The following SLC35G3 variants were observed in gnomAD, a reference collection of about 807,000 sequenced individuals.
SLC35G3 encodes the protein acyl-malonyl-condensing enzyme 1.
In SLC35G3, 10 loss-of-function variants were observed where a neutral mutation model predicts 17.9. That is an observed-to-expected ratio of 0.56 (90% CI 0.34 to 0.95). SLC35G3 has a LOEUF of 0.95. Among genes scored for constraint, SLC35G3 ranks in the 40% least tolerant of loss-of-function variants. The pLI, the probability that SLC35G3 is intolerant of heterozygous loss-of-function variation, is 0.02. For synonymous variants in SLC35G3, 208 were observed against 197.7 expected (o/e 1.05, Z -0.44); for missense variants, 384 against 433.6 (o/e 0.89, Z 1.02).
Position 35,193,657 on chromosome 17 carries a change from G to A in SLC35G3, c.651C>T (p.Pro217=), listed in dbSNP as rs2142632933. ...LLVYRSLHFP[P]CLPTVAFLSG... is the part of the protein sequence containing the mutation. ...ATAGGAAGGCCACTGTTGGGAGGCA[G>A]GGGGGAAAGTGCAGAGAACGATAGA... Residue 217 remains proline (P), a synonymous_variant, in exon 1 of 1, where the codon CCC becomes CCT. Coordinates refer to ENST00000297307, the MANE Select transcript of SLC35G3 (RefSeq NM_152462.2). The A allele has an allele frequency of 6.2e-7, 1 of 1,612,000 alleles. No individual in the cohort carries two copies. Among genetic ancestry groups the A allele is most frequent in the Non-Finnish European group, 8.5e-7 (1 of 1,179,844 alleles).
In SLC35G3 at chr17:35,194,080, T is replaced by C. The variant is rs1318470012; in HGVS notation, c.228A>G (p.Arg76=). ...GGGCAATAGGGAGGTGGAAGAGGCA[T>C]CGCCAGATGAGCAGCTCCAGCGAGG... ...NLPSLELLIW[R]CLFHLPIALL... is the part of the protein sequence containing the mutation. The change falls in exon 1 of 1, where the codon CGA becomes CGG. Residue 76 remains arginine (R), a synonymous_variant. Coordinates refer to ENST00000297307, the MANE Select transcript of SLC35G3 (RefSeq NM_152462.2). The C allele has an allele frequency of 6.2e-7, 1 of 1,613,772 alleles. No individual in the cohort carries two copies. The highest frequency in any genetic ancestry group is 1.3e-5 in the African/African-American group (1 of 74,894).
chr17:35,194,338 C>T lies in SLC35G3; in HGVS notation c.-31G>A, dbSNP rs1190193217. The stretch of plus-strand genomic sequence containing the variant: ...CTTGGACTTTCTCCTCTCCTCCTGG[C>T]TCAGGGAGCCTGGGCCCCTCAGAGC... On this transcript the variant is annotated 5_prime_UTR_variant, in exon 1 of 1. Coordinates refer to ENST00000297307, the MANE Select transcript of SLC35G3 (RefSeq NM_152462.2). 8.2e-6 allele frequency: 13 copies of T among 1,582,898 alleles called. No individual in the cohort carries two copies. The highest frequency in any genetic ancestry group is 1.0e-5 in the Non-Finnish European group (12 of 1,166,826).
In SLC35G3 at chr17:35,193,432, C is replaced by T. The variant is rs200283087; in HGVS notation, c.876G>A (p.Val292=). Residue 292 remains valine (V), a synonymous_variant, in exon 1 of 1, where the codon GTG becomes GTA. Transcript: ENST00000297307. ...GCATATAATACTGCAGTATAAGGGC[C>T]ACAACCACCTCGGAATGTAGGACAG... The part of the protein sequence containing the change: ...VCAVLHSEVV[V]ALILQYYMLH... The T allele has an allele frequency of 5.0e-6, 8 of 1,612,000 alleles. No individual in the cohort carries two copies. Among genetic ancestry groups the T allele is most frequent in the South Asian group, 1.1e-5 (1 of 90,986 alleles).
chr17:35,193,016 C>T lies in SLC35G3; in HGVS notation c.*275G>A, dbSNP rs1446573852. ...GTCCTCCCCATGGCCCACGGCCTCC[C>T]TGCCTCAGCCCTTTGGATCTGCTCC... On this transcript the variant is annotated 3_prime_UTR_variant, in exon 1 of 1. Coordinates refer to ENST00000297307, the MANE Select transcript of SLC35G3 (RefSeq NM_152462.2). 5.1e-6 allele frequency: 3 copies of T among 588,036 alleles called. No homozygotes were observed. The highest frequency in any genetic ancestry group is 8.8e-6 in the Non-Finnish European group (3 of 339,950). The allele number at this position is 588,036 out of a possible 1,614,324, so 36.4% of individuals were successfully genotyped here.
At position 35,194,146 on chromosome 17, in the gene SLC35G3, C is replaced by T. The variant is rs771643281; in HGVS notation, c.162G>A (p.Val54=). 4.3e-6 allele frequency: 7 copies of T among 1,613,522 alleles called. No homozygotes were observed. Among genetic ancestry groups the T allele is most frequent in the Non-Finnish European group, 5.9e-6 (7 of 1,179,894 alleles). ...LLGGGLPAGF[V]GPLSRMAYQA... Reference sequence around the variant, plus strand: ...GGTAAGCCATACGAGAAAGGGGGCCCACGAAGCCAGCAGGCAGGCCCCCAC... The same window carrying T: ...GGTAAGCCATACGAGAAAGGGGGCCTACGAAGCCAGCAGGCAGGCCCCCAC... Residue 54 remains valine, a synonymous_variant, in exon 1 of 1, where the codon GTG becomes GTA. Coordinates refer to ENST00000297307, the MANE Select transcript of SLC35G3 (RefSeq NM_152462.2).
rs7208407 is a variant in SLC35G3 at position 35,193,244 on chromosome 17, T to C, written c.*47A>G. 570,923 of 1,610,138 alleles carry C rather than the reference T, an allele frequency of 0.35. 108,771 individuals are homozygous for C. The highest frequency in any genetic ancestry group is 0.4 in the Middle Eastern group (1,755 of 4,426). ...CCCATGTTTGTCTTCAGTCTTTGCC[T>C]TTATTTATCCCTGTCCCTCCCAACC... is the stretch of plus-strand genomic sequence containing the variant. On this transcript the variant is annotated 3_prime_UTR_variant, in exon 1 of 1. Coordinates refer to ENST00000297307, the MANE Select transcript of SLC35G3 (RefSeq NM_152462.2).
chr17:35,193,323 T>A lies in SLC35G3; in HGVS notation c.985A>T (p.Ser329Cys), dbSNP rs1208551735. 6 of 1,611,868 alleles carry A rather than the reference T, an allele frequency of 3.7e-6. No individual in the cohort carries two copies. The East Asian group carries it at 1.3e-4, about 36-fold the overall frequency. The change falls in exon 1 of 1, where the codon AGC becomes TGC. Residue 329 changes from serine to cysteine, a missense_variant. Transcript: ENST00000297307. ...TCCACCCTCCCTGTCCTCTCACAGCTGAGGTTCTGGGCTGTAATGATGGCA... is the reference window on the plus strand; with the variant it reads ...TCCACCCTCCCTGTCCTCTCACAGCAGAGGTTCTGGGCTGTAATGATGGCA... ...SIAIITAQNLSCERTGRVEE is the reference protein window; with the variant it reads ...SIAIITAQNLCCERTGRVEE
rs371490138 is a variant in SLC35G3 at position 35,193,449 on chromosome 17, G to A, written c.859C>T (p.His287Tyr). The A allele has an allele frequency of 6.2e-7, 1 of 1,612,044 alleles. No homozygotes were observed. ...ATAAGGGCCACAACCACCTCGGAAT[G>A]TAGGACAGCGCACACCAGGGCAGGG... ...AHPALVCAVL[H>Y]SEVVVALILQ... The change falls in exon 1 of 1, where the codon CAT becomes TAT. Residue 287 changes from histidine to tyrosine, a missense_variant. His to Tyr is a moderately conservative substitution (Grantham distance 83). Coordinates refer to ENST00000297307, the MANE Select transcript of SLC35G3 (RefSeq NM_152462.2).
In SLC35G3 at chr17:35,193,800, T is replaced by C. The variant is rs1567776253; in HGVS notation, c.508A>G (p.Ile170Val). Reference sequence around the variant, plus strand: ...CAGAGTCCAGGTCCCACAATGATGATTAGTCCTAGGATGCAGCCCAACAGT... The same window carrying C: ...CAGAGTCCAGGTCCCACAATGATGACTAGTCCTAGGATGCAGCCCAACAGT... ...CGLLGCILGL[I>V]IIVGPGLWTL... Residue 170 changes from isoleucine (I) to valine (V), a missense_variant, in exon 1 of 1, where the codon ATC (isoleucine) becomes GTC (valine). Physicochemically the swap from Ile to Val is conservative, Grantham distance 29. Coordinates refer to ENST00000297307, the MANE Select transcript of SLC35G3 (RefSeq NM_152462.2). The C allele has an allele frequency of 1.2e-6, 2 of 1,613,598 alleles. No homozygotes were observed. The highest frequency in any genetic ancestry group is 1.7e-6 in the Non-Finnish European group (2 of 1,179,862).
chr17:35,194,209 G>A lies in SLC35G3; in HGVS notation c.99C>T (p.Pro33=). The stretch of plus-strand genomic sequence containing the variant: ...CCAGCAGGCCACTGGTGGCATCAGA[G>A]GGCTGGCAGCGCTGGTACCAGCGGA... ...PSLRWYQRCQ[P]SDATSGLLVA... The change falls in exon 1 of 1, where the codon CCC becomes CCT. Residue 33 remains proline, a synonymous_variant. Transcript: ENST00000297307. 1 of 1,613,808 alleles carries A rather than the reference G, an allele frequency of 6.2e-7. No individual in the cohort carries two copies. The highest frequency in any genetic ancestry group is 2.2e-5 in the East Asian group (1 of 44,868).
rs1365396709 is a variant in SLC35G3 at position 35,194,133 on chromosome 17, G to A, written c.175C>T (p.Arg59Cys). Residue 59 changes from arginine (R) to cysteine (C), a missense_variant, in exon 1 of 1, where the codon CGT becomes TGT. Coordinates refer to ENST00000297307, the MANE Select transcript of SLC35G3 (RefSeq NM_152462.2). ...LPAGFVGPLS[R>C]MAYQASNLPS... ...AGGTTGGAAGCCTGGTAAGCCATAC[G>A]AGAAAGGGGGCCCACGAAGCCAGCA... is the stretch of plus-strand genomic sequence containing the variant. 1.4e-5 allele frequency: 23 copies of A among 1,613,564 alleles called. No individual in the cohort carries two copies. Among genetic ancestry groups the A allele is most frequent in the Admixed American group, 1.7e-5 (1 of 60,008 alleles).
At position 35,192,656 on chromosome 17, in the gene SLC35G3, ACT is replaced by A. The variant is rs1307266841; in HGVS notation, c.*633_*634del. The A allele has an allele frequency of 6.3e-6, 1 of 159,260 alleles. No homozygotes were observed. The highest frequency in any genetic ancestry group is 1.4e-5 in the Non-Finnish European group (1 of 72,446). 9.9% of individuals were successfully genotyped at this position (159,260 alleles called of 1,614,324 possible). ...TTCATGTACTCAGGTGAGGAAAATC[ACT>A]CTTTTATATCCAATGACTTTACAAA... On this transcript the variant is annotated 3_prime_UTR_variant, in exon 1 of 1. Transcript: ENST00000297307.
rs1305816279 is a variant in SLC35G3, at chr17:35,193,196, G to A, written c.*95C>T. ...TGAGAGGTATCCCTCTCCCACACCA[G>A]TTCTTTTCCAGTCACTTCTCCTCCC... On this transcript the variant is annotated 3_prime_UTR_variant, in exon 1 of 1. Coordinates refer to ENST00000297307, the MANE Select transcript of SLC35G3 (RefSeq NM_152462.2). The A allele has an allele frequency of 1.4e-5, 22 of 1,573,890 alleles. No homozygotes were observed. In the Admixed American group the frequency reaches 3.9e-4, roughly 28 times the overall value.
chr17:35,193,586 A>G lies in SLC35G3; in HGVS notation c.722T>C (p.Leu241Pro), dbSNP rs547310287. The G allele has an allele frequency of 6.2e-6, 10 of 1,612,048 alleles. No individual in the cohort carries two copies. In the East Asian group the frequency reaches 2.0e-4, roughly 32 times the overall value. Residue 241 changes from leucine (L) to proline (P), a missense_variant, in exon 1 of 1, where the codon CTG becomes CCG. Coordinates refer to ENST00000297307, the MANE Select transcript of SLC35G3 (RefSeq NM_152462.2). ...LLGSVPGLFV[L>P]QAPVLPSDLL... ...GTCACTGGGCAACACGGGGGCCTGCAGCACAAAGAGGCCTGGCACAGAGCC... is the reference window on the plus strand; with the variant it reads ...GTCACTGGGCAACACGGGGGCCTGCGGCACAAAGAGGCCTGGCACAGAGCC...
Position 35,193,959 on chromosome 17 carries a change from A to AT in SLC35G3, c.348dup (p.Cys117MetfsTer34). ...ACCACCTGAACCGCACTGTAGGCAC[A>AT]TCCAATGCTGAGGATGTTGAGCAGG... is the stretch of plus-strand genomic sequence containing the variant. On this transcript the variant is annotated frameshift_variant, in exon 1 of 1. Coordinates refer to ENST00000297307, the MANE Select transcript of SLC35G3 (RefSeq NM_152462.2). LOFTEE classifies it high-confidence loss of function. 1.2e-6 allele frequency: 2 copies of AT among 1,614,018 alleles called. No homozygotes were observed. The highest frequency in any genetic ancestry group is 8.5e-7 in the Non-Finnish European group (1 of 1,179,860).
In SLC35G3 at chr17:35,192,922, C is replaced by T. The variant is rs142525887; in HGVS notation, c.*369G>A. On this transcript the variant is annotated 3_prime_UTR_variant, in exon 1 of 1. Coordinates refer to ENST00000297307, the MANE Select transcript of SLC35G3 (RefSeq NM_152462.2). ...GGGGAGGCACGCTTCCCTCCCCCAG[C>T]GCAGCTGCTGGCTCTGTCTTTGCCG... is the stretch of plus-strand genomic sequence containing the variant. The T allele has an allele frequency of 9.9e-4, 317 of 321,816 alleles. 1 individual carries two copies. The highest frequency in any genetic ancestry group is 5.9e-3 in the African/African-American group (281 of 47,460). The allele number at this position is 321,816 out of a possible 1,614,324, so 19.9% of individuals were successfully genotyped here. A position where few individuals can be genotyped will look rare whatever the true frequency, so the allele number is the denominator to read the frequency against.
Position 35,194,342 on chromosome 17 carries a change from G to A in SLC35G3, c.-35C>T, listed in dbSNP as rs2142633923. On this transcript the variant is annotated 5_prime_UTR_variant, in exon 1 of 1. Transcript: ENST00000297307. ...GACTTTCTCCTCTCCTCCTGGCTCA[G>A]GGAGCCTGGGCCCCTCAGAGCTCCA... 6.3e-7 allele frequency: 1 copy of A among 1,580,306 alleles called. No homozygotes were observed. The highest frequency in any genetic ancestry group is 2.2e-5 in the East Asian group (1 of 44,794).
rs1365754532 is a variant in SLC35G3, at chr17:35,192,931, T to C, written c.*360A>G. ...CGCTTCCCTCCCCCAGCGCAGCTGCTGGCTCTGTCTTTGCCGGAACACTCC... is the reference window on the plus strand; with the variant it reads ...CGCTTCCCTCCCCCAGCGCAGCTGCCGGCTCTGTCTTTGCCGGAACACTCC... On this transcript the variant is annotated 3_prime_UTR_variant, in exon 1 of 1. Transcript: ENST00000297307. 1.2e-5 allele frequency: 4 copies of C among 343,502 alleles called. No individual in the cohort carries two copies. Among genetic ancestry groups the C allele is most frequent in the African/African-American group, 2.1e-5 (1 of 48,044 alleles). The allele number at this position is 343,502 out of a possible 1,614,324, so 21.3% of individuals were successfully genotyped here.
rs1172550294 is a variant in SLC35G3, at chr17:35,193,502, C to T, written c.806G>A (p.Cys269Tyr). The T allele has an allele frequency of 3.1e-6, 5 of 1,612,042 alleles. No homozygotes were observed. Among genetic ancestry groups the T allele is most frequent in the Admixed American group, 3.3e-5 (2 of 60,022 alleles). Residue 269 changes from cysteine (C) to tyrosine (Y), a missense_variant, in exon 1 of 1, where the codon TGT becomes TAT. Coordinates refer to ENST00000297307, the MANE Select transcript of SLC35G3 (RefSeq NM_152462.2). ...VGILALVSFTCVGYAVTKAHP... is the reference protein window; with the variant it reads ...VGILALVSFTYVGYAVTKAHP... ...GGCCTTGGTGACCGCATAGCCCACA[C>T]ATGTGAAGGAGACCAAGGCGAGGAT...
Sources: gnomAD v4.1 joint callset for allele counts on GRCh38, gnomAD v4.1.1 for gene constraint, MANE v1.5 for transcripts, NCBI Gene and HGNC (gene_info 2026-07-23, HGNC 2026-07-21) for gene names.